Variants in MTUS2 observed in about 807,000 individuals in gnomAD.
MTUS2 encodes microtubule-associated tumor suppressor candidate 2.
MTUS2 carries 40 observed loss-of-function variants against 114.1 expected under a neutral mutation model. The ratio of observed to expected loss-of-function variants is 0.35; its 90% confidence interval spans 0.27 to 0.46. The LOEUF (loss-of-function observed/expected upper bound fraction) is 0.46, where lower values mean the gene tolerates loss of function less well. MTUS2 is among the 20% of genes least tolerant of loss of function. MTUS2 has a pLI of 1.00. For missense variants in MTUS2, 1,679 were observed against 1,705.4 expected, an observed-to-expected ratio of 0.98 and a Z score of 0.27; for synonymous variants, 688 against 672.0, an observed-to-expected ratio of 1.02 and a Z score of -0.37.
At chr13:29,044,989 C>T (rs373737633) in intron 4 of MTUS2, among the ~76,000 whole-genome samples, 7 of 152,150 alleles carry the variant, frequency 4.6e-5, no homozygotes, top group African/African-American at 1.7e-4. Context: ...CATGTGTCCC[C>T]CTTTATCTTC....
At chr13:29,045,725 A>G (rs1463206162) in intron 4 of MTUS2, among the ~76,000 whole-genome samples, 4 of 152,166 alleles carry the variant, frequency 2.6e-5, no homozygotes, top group African/African-American at 9.7e-5. Flanking sequence ...AGATTACTGA[A>G]TATCAAAGAA....
At chr13:28,853,491 G>C (rs1436570923) in intron 2 of MTUS2, among the ~76,000 whole-genome samples, 1 of 152,170 alleles carries the variant, frequency 6.6e-6, no homozygotes, top group Non-Finnish European at 1.5e-5. Context: ...GGCCTCACTT[G>C]GGCAACCTGT....
intron 4 of MTUS2, among the ~76,000 whole-genome samples, chr13:29,083,814 G>C (rs999621128): frequency 3.3e-5 from 5 of 152,122 alleles, no homozygotes; most frequent in African/African-American, 4.8e-5. Context: ...AGCCAATTTT[G>C]TATATGTCAA....
At chr13:29,015,509 C>G (rs982009182) in intron 2 of MTUS2, among the ~76,000 whole-genome samples, 3 of 152,128 alleles carry the variant, frequency 2.0e-5, no homozygotes, top group South Asian at 2.1e-4. Context: ...GCAAATGAAA[C>G]AAAAACCCAT....
chr13:29,427,668 A>G (rs1386428660), intron 8 of MTUS2, among the ~76,000 whole-genome samples: 1 of 152,222 alleles, frequency 6.6e-6, no homozygotes, highest in Non-Finnish European at 1.5e-5. Context: ...CTGAGCCTAT[A>G]CTACTTAATT....
chr13:29,173,126 CTTAT>C (rs1339726088), intron 5 of MTUS2, among the ~76,000 whole-genome samples: 1 of 151,908 alleles, frequency 6.6e-6, no homozygotes, highest in Non-Finnish European at 1.5e-5. Context: ...TCTATAATAA[CTTAT>C]TTTTCTTTTC....
At chr13:29,310,360 T>A (rs1189578062) in intron 6 of MTUS2, among the ~76,000 whole-genome samples, 1 of 152,220 alleles carries the variant, frequency 6.6e-6, no homozygotes, top group African/African-American at 2.4e-5. Flanking sequence ...TAATTCCACC[T>A]CCAACTTGAA....
At chr13:29,385,342 G>A (rs2138386493) in intron 8 of MTUS2, among the ~76,000 whole-genome samples, 1 of 152,282 alleles carries the variant, frequency 6.6e-6, no homozygotes, top group Non-Finnish European at 1.5e-5. Flanking sequence ...GGTGCTCGGT[G>A]TTTCACACCT....
At chr13:29,121,328 G>A (rs1891296592) in intron 5 of MTUS2, among the ~76,000 whole-genome samples, 1 of 152,106 alleles carries the variant, frequency 6.6e-6, no homozygotes, top group African/African-American at 2.4e-5. Flanking sequence ...TAACAAGGCA[G>A]AAACAAACAT....
chr13:29,270,956 T>C (rs1897861681), intron 5 of MTUS2, among the ~76,000 whole-genome samples: 1 of 152,226 alleles, frequency 6.6e-6, no homozygotes, highest in African/African-American at 2.4e-5. Context: ...GTAAATGTTA[T>C]TGACTTTACC....
At chr13:29,457,072 G>A (rs1879164116) in intron 9 of MTUS2, among the ~76,000 whole-genome samples, 1 of 151,654 alleles carries the variant, frequency 6.6e-6, no homozygotes, top group African/African-American at 2.4e-5. Flanking sequence ...GTGAACCCAG[G>A]GGGCGGAGCT....
Position 28,830,326 on chromosome 13 carries a change from T to C in MTUS2, c.-315-9452T>C, listed in dbSNP as rs1451899165. ...CCCTGAGAAAGTCCAGATACTGGAC[T>C]TAGTAGACAAACATTTTAAATTAGC... On this transcript the variant is annotated intron_variant, in intron 1 of 15. Coordinates refer to ENST00000612955, the MANE Select transcript of MTUS2 (RefSeq NM_001033602.4). Among the ~76,000 whole-genome samples, 3 of 152,284 alleles carry C rather than the reference T, an allele frequency of 2.0e-5. No homozygotes were observed. The East Asian group carries it at 5.8e-4, about 29-fold the overall frequency.
At chr13:28,962,154 A>G (rs1264947175) in intron 2 of MTUS2, among the ~76,000 whole-genome samples, 3 of 151,898 alleles carry the variant, frequency 2.0e-5, no homozygotes, top group African/African-American at 7.2e-5. Flanking sequence ...TTTTTAACAA[A>G]TTGTTGTCCT....
chr13:29,463,062 G>T (rs774250101), intron 9 of MTUS2, among the ~76,000 whole-genome samples: 4 of 152,164 alleles, frequency 2.6e-5, no homozygotes, highest in Non-Finnish European at 5.9e-5. Context: ...AGATGGAGAA[G>T]AAGGTGTGAG....
intron 2 of MTUS2, among the ~76,000 whole-genome samples, chr13:28,923,626 A>C (rs1192157428): frequency 1.3e-5 from 2 of 152,132 alleles, no homozygotes; most frequent in African/African-American, 4.8e-5. Flanking sequence ...CTGACCATAG[A>C]AGAGTCAGTG....
chr13:29,479,964 C>T, intron 9 of MTUS2, 186 bp from the exon 10 acceptor site: 2 of 536,768 alleles, frequency 3.7e-6, no homozygotes, highest in Admixed American at 6.4e-5. Context: ...TCTCAACATC[C>T]AGGGTCTGTT....
intron 1 of MTUS2, among the ~76,000 whole-genome samples, chr13:28,828,659 C>G (rs1874442879): frequency 6.6e-6 from 1 of 152,162 alleles, no homozygotes; most frequent in Non-Finnish European, 1.5e-5. Context: ...ACTCCAGGGT[C>G]AGCAGTAGAG....
Position 29,346,706 on chromosome 13 carries a change from C to T in MTUS2, c.2906-12556C>T, listed in dbSNP as rs144898148. On this transcript the variant is annotated intron_variant, in intron 7 of 15. Coordinates refer to ENST00000612955, the MANE Select transcript of MTUS2 (RefSeq NM_001033602.4). ...ACTCTGTCCAGGAAACTGCACAAAT[C>T]GTTTCAAAGTTCAGCTGGAATTTTC... Among the ~76,000 whole-genome samples the T allele has an allele frequency of 1.9e-4, 27 of 143,740 alleles. 1 individual carries two copies. In the East Asian group the frequency reaches 3.5e-3, roughly 19 times the overall value. 94.3% of individuals were successfully genotyped at this position (143,740 alleles called of 152,430 possible). A position where few individuals can be genotyped will look rare whatever the true frequency, so the allele number is the denominator to read the frequency against.
chr13:28,822,947 C>T (rs1354992992), intron 1 of MTUS2, among the ~76,000 whole-genome samples: 2 of 152,198 alleles, frequency 1.3e-5, no homozygotes, highest in African/African-American at 4.8e-5. Flanking sequence ...TGAAATCAGG[C>T]ACATACCTGG....
Sources: allele counts gnomAD v4.1 joint callset (sites outside exome capture counted in the v4.1 genomes callset), GRCh38; gene constraint gnomAD v4.1.1; transcripts MANE v1.5; gene names NCBI Gene and HGNC (gene_info 2026-07-23, HGNC 2026-07-21).